The following GEMIN7 variants were observed in gnomAD, a reference collection of about 807,000 sequenced individuals.
GEMIN7 encodes the protein gem nuclear organelle associated protein 7, also known as gem-associated protein 7.
GEMIN7 carries 7 observed loss-of-function variants against 7.8 expected under a neutral mutation model. The ratio of observed to expected loss-of-function variants is 0.90; its 90% CI spans 0.51 to 1.69. GEMIN7 has a LOEUF of 1.69. Among genes scored for constraint, GEMIN7 ranks in the 40% most tolerant of loss-of-function variants. GEMIN7 has a pLI of 0.00. For missense variants in GEMIN7, 159 were observed against 176.2 expected (o/e 0.90, Z 0.55); for synonymous variants, 68 against 72.4 (o/e 0.94, Z 0.31).
intron 2 of GEMIN7, among the ~76,000 whole-genome samples, chr19:45,086,786 T>C (rs540235201): frequency 2.0e-5 from 3 of 152,224 alleles, no homozygotes; most frequent in Non-Finnish European, 4.4e-5. Context: ...GAAAACTGTC[T>C]CTTACTGATG....
upstream of GEMIN7, chr19:45,075,681 T>G: frequency 1.2e-6 from 2 of 1,606,962 alleles, no homozygotes; most frequent in Non-Finnish European, 1.7e-6. Flanking sequence ...GCCCTCGAAC[T>G]TGAGAGGGGG....
At chr19:45,075,668 C>T, upstream of GEMIN7, 1 of 1,603,220 alleles carries the variant, frequency 6.2e-7, no homozygotes, top group Non-Finnish European at 8.5e-7. Context: ...AGCAGGAAGC[C>T]CAGCCCTCGA....
At chr19:45,081,296 A>G (rs1967495832) in intron 2 of GEMIN7, among the ~76,000 whole-genome samples, 1 of 152,060 alleles carries the variant, frequency 6.6e-6, no homozygotes, top group African/African-American at 2.4e-5. Flanking sequence ...GTCTCTACTA[A>G]AAATACAAAA....
intron 1 of GEMIN7, among the ~76,000 whole-genome samples, 183 bp downstream of exon 1, chr19:45,079,560 G>A (rs1431670641): frequency 1.3e-5 from 2 of 152,226 alleles, no homozygotes; most frequent in Non-Finnish European, 2.9e-5. Context: ...CAGAAGCATC[G>A]GTGGCAGTCA....
upstream of GEMIN7, chr19:45,076,446 A>G (rs893896270): frequency 9.0e-7 from 1 of 1,115,394 alleles, no homozygotes; most frequent in Non-Finnish European, 1.1e-6. The surrounding 1 kb of genome is among the most constrained non-coding windows in gnomAD (Gnocchi z 4.9). Flanking sequence ...CGAGCGGAGG[A>G]CGCGCGGACC....
intron 2 of GEMIN7, among the ~76,000 whole-genome samples, chr19:45,087,716 G>A (rs892515844): frequency 2.2e-4 from 33 of 152,070 alleles, no homozygotes; most frequent in Non-Finnish European, 4.6e-4. Flanking sequence ...AGCCACAAGA[G>A]GGCTCCGAGC....
chr19:45,090,043 CCCT>C, intron 2 of GEMIN7, 61 bp from the exon 3 acceptor site: 1 of 1,506,816 alleles, frequency 6.6e-7, no homozygotes, highest in Non-Finnish European at 9.0e-7. Flanking sequence ...TTCCACTCCT[CCCT>C]CCTCCATTAG....
intron 2 of GEMIN7, among the ~76,000 whole-genome samples, chr19:45,081,108 C>G (rs1005269015): frequency 6.6e-6 from 1 of 151,934 alleles, no homozygotes; most frequent in Non-Finnish European, 1.5e-5. Context: ...TCAAGATTAG[C>G]GTGGGCAATA....
intron 2 of GEMIN7, among the ~76,000 whole-genome samples, chr19:45,083,214 A>C (rs7253845): frequency 2.0e-5 from 3 of 152,080 alleles, no homozygotes; most frequent in African/African-American, 7.2e-5. Context: ...GGGAAGCTGA[A>C]CTGGGGGTGG....
rs1967852734 is a variant in GEMIN7 at position 45,090,301 on chromosome 19, C to T, written c.187C>T (p.Arg63Trp). The stretch of plus-strand genomic sequence containing the variant: ...GGAGCAGCGGGCACGAGCCGCCCTT[C>T]GGGAGCGTTACCTCCGCAGCCTGCT... Reference protein sequence around the residue: ...SQEQRARAALRERYLRSLLAM... With the variant: ...SQEQRARAALWERYLRSLLAM... The change falls in exon 3 of 3, where the codon CGG becomes TGG. Residue 63 changes from arginine (R) to tryptophan (W), a missense_variant. Physicochemically the swap from Arg to Trp is moderately radical, Grantham distance 101. Coordinates refer to ENST00000270257, the MANE Select transcript of GEMIN7 (RefSeq NM_024707.3). 3.1e-6 allele frequency: 5 copies of T among 1,614,060 alleles called. No homozygotes were observed. Among genetic ancestry groups the T allele is most frequent in the Admixed American group, 1.7e-5 (1 of 60,010 alleles).
rs936284207 is a variant in GEMIN7 at position 45,084,727 on chromosome 19, G to T, written c.-9+4698G>T. ...TGAGTAGGCGGGATTACAGGAGCCTGCCACCATGCCCAGCCCAGCTAATTT... is the reference window on the plus strand; with the variant it reads ...TGAGTAGGCGGGATTACAGGAGCCTTCCACCATGCCCAGCCCAGCTAATTT... On this transcript the variant is annotated intron_variant, in intron 2 of 2. Coordinates refer to ENST00000270257, the MANE Select transcript of GEMIN7 (RefSeq NM_024707.3). Among the ~76,000 whole-genome samples, 4 of 152,292 alleles carry T rather than the reference G, an allele frequency of 2.6e-5. No individual in the cohort carries two copies. The East Asian group carries it at 7.7e-4, about 29-fold the overall frequency.
intron 2 of GEMIN7, among the ~76,000 whole-genome samples, chr19:45,084,495 C>A (rs1357229258): frequency 6.6e-6 from 1 of 152,100 alleles, no homozygotes; most frequent in African/African-American, 2.4e-5. Flanking sequence ...CTCTGGCTCA[C>A]GGGTTCAAGC....
chr19:45,088,766 C>T (rs1967789182), intron 2 of GEMIN7: 1 of 152,024 alleles, frequency 6.6e-6, no homozygotes. Flanking sequence ...TGGTGCCCTG[C>T]CTTCTTAGTG....
At chr19:45,078,375 C>T (rs1206123349), upstream of GEMIN7, among the ~76,000 whole-genome samples, 1 of 152,170 alleles carries the variant, frequency 6.6e-6, no homozygotes, top group Admixed American at 6.5e-5. Context: ...CAGGCGTGAG[C>T]CACCGTGCCC....
chr19:45,077,463 T>G (rs1447515847), upstream of GEMIN7, among the ~76,000 whole-genome samples: 2 of 152,112 alleles, frequency 1.3e-5, no homozygotes, highest in Non-Finnish European at 2.9e-5. Context: ...CTGATGAGTA[T>G]TCTTTTCTTC....
intron 2 of GEMIN7, among the ~76,000 whole-genome samples, chr19:45,086,440 C>G (rs1002607972): frequency 5.9e-5 from 9 of 152,170 alleles, no homozygotes; most frequent in Non-Finnish European, 1.2e-4. Flanking sequence ...CCTCCTCTCT[C>G]AGGTCTGCAC....
At chr19:45,079,146 G>A (rs1260158378), upstream of GEMIN7, 1 of 152,254 alleles carries the variant, frequency 6.6e-6, no homozygotes, top group African/African-American at 2.4e-5. Flanking sequence ...TTCCAAGCCT[G>A]CGAGCCAGCC....
intron 1 of GEMIN7, 49 bp from the exon 2 acceptor site, chr19:45,079,858 A>T (rs1255112078): frequency 6.6e-6 from 1 of 152,130 alleles, no homozygotes; most frequent in Admixed American, 6.5e-5. Context: ...TGATGTCTGT[A>T]TGTGTGTGTG....
Position 45,091,386 on chromosome 19 carries a change from G to A in GEMIN7, c.*876G>A, listed in dbSNP as rs564418923. 1.2e-5 allele frequency: 2 copies of A among 167,184 alleles called. No homozygotes were observed. The highest frequency in any genetic ancestry group is 1.5e-5 in the Non-Finnish European group (1 of 68,150). 10.4% of individuals were successfully genotyped at this position (167,184 alleles called of 1,614,324 possible). A position where few individuals can be genotyped will look rare whatever the true frequency, so the allele number is the denominator to read the frequency against. The stretch of plus-strand genomic sequence containing the variant: ...CCGTTCACATCACGCGCTTCACTAA[G>A]CCTCCTATCACTAGTAACCTTTCAG... On this transcript the variant is annotated 3_prime_UTR_variant, in exon 3 of 3. Transcript: ENST00000270257.
Sources: allele counts gnomAD v4.1 joint callset (sites outside exome capture counted in the v4.1 genomes callset), GRCh38; gene constraint gnomAD v4.1.1; non-coding constraint Gnocchi (gnomAD v3.1); transcripts MANE v1.5; gene names NCBI Gene and HGNC (gene_info 2026-07-23, HGNC 2026-07-21).